The following KIAA1958 variants were observed in gnomAD, a reference collection of about 807,000 sequenced individuals.
KIAA1958 encodes uncharacterized protein KIAA1958.
KIAA1958 carries 14 observed loss-of-function variants against 47.2 expected under a neutral mutation model. That is an observed-to-expected ratio of 0.30 (90% CI 0.20 to 0.46). KIAA1958 has a LOEUF of 0.46. Ranked by LOEUF, KIAA1958 falls within the 20% of genes least tolerant of loss-of-function variation. KIAA1958 has a pLI of 1.00. For synonymous variants in KIAA1958, 354 were observed against 353.3 expected, an observed-to-expected ratio of 1.00 and a Z score of -0.02; for missense variants, 803 against 909.2, an observed-to-expected ratio of 0.88 and a Z score of 1.50.
At chr9:112,523,443 A>AC (rs1834587462) in intron 1 of KIAA1958, among the ~76,000 whole-genome samples, 1 of 85,100 alleles carries the variant, frequency 1.2e-5, no homozygotes, top group Non-Finnish European at 2.2e-5. Flanking sequence ...AAAGTGTCTT[A>AC]TTAAATAAAT....
intron 1 of KIAA1958, among the ~76,000 whole-genome samples, chr9:112,560,182 C>CT (rs1455028604): frequency 8.1e-5 from 11 of 136,108 alleles, no homozygotes; most frequent in East Asian, 2.1e-4. Context: ...TTTGAAGCTG[C>CT]TTTTTTTTTC....
chr9:112,631,540 A>C (rs1836707246), intron 2 of KIAA1958, among the ~76,000 whole-genome samples: 1 of 150,948 alleles, frequency 6.6e-6, no homozygotes, highest in African/African-American at 2.4e-5. Context: ...CAAAGAAAAA[A>C]AAAAAAAAAA....
At chr9:112,582,341 C>T (rs1486254308) in intron 2 of KIAA1958, 1 of 152,186 alleles carries the variant, frequency 6.6e-6, no homozygotes, top group Non-Finnish European at 1.5e-5. Flanking sequence ...CAAAATATCT[C>T]ATGTAACCCA....
At chr9:112,608,255 A>T (rs1836269354) in intron 2 of KIAA1958, among the ~76,000 whole-genome samples, 1 of 152,226 alleles carries the variant, frequency 6.6e-6, no homozygotes, top group Non-Finnish European at 1.5e-5. Flanking sequence ...ATAAAACAAG[A>T]TTCAAAAGAT....
intron 1 of KIAA1958, among the ~76,000 whole-genome samples, chr9:112,504,461 T>C (rs1168489776): frequency 6.6e-6 from 1 of 152,220 alleles, no homozygotes; most frequent in Non-Finnish European, 1.5e-5. Context: ...AGTGCTGGAA[T>C]TGCAGGCGTG....
intron 1 of KIAA1958, among the ~76,000 whole-genome samples, chr9:112,535,037 A>C (rs1002533170): frequency 7.9e-5 from 12 of 152,246 alleles, no homozygotes; most frequent in African/African-American, 2.9e-4. Context: ...TGATACATGT[A>C]TGCATTGTAG....
At chr9:112,498,196 T>C in intron 1 of KIAA1958, among the ~76,000 whole-genome samples, 1 of 152,190 alleles carries the variant, frequency 6.6e-6, no homozygotes, top group Non-Finnish European at 1.5e-5. Context: ...TTAGTGAATT[T>C]ACCATATAAC....
rs899611962 is a variant in KIAA1958 at position 112,664,216 on chromosome 9, C to A, written c.*4147C>A. ...TGGGATGCCTTCTTTAGGAATAAGA[C>A]TTTCCTTTAATTTTCAAGTTCCACA... On this transcript the variant is annotated 3_prime_UTR_variant, in exon 4 of 4. Coordinates refer to ENST00000337530, the MANE Select transcript of KIAA1958 (RefSeq NM_133465.4). 6.6e-6 allele frequency: 1 copy of A among 152,220 alleles called. No individual in the cohort carries two copies. The highest frequency in any genetic ancestry group is 2.4e-5 in the African/African-American group (1 of 41,456). 9.4% of individuals were successfully genotyped at this position (152,220 alleles called of 1,614,324 possible).
At chr9:112,583,591 A>T (rs1449650551) in intron 2 of KIAA1958, among the ~76,000 whole-genome samples, 1 of 152,276 alleles carries the variant, frequency 6.6e-6, no homozygotes, top group Non-Finnish European at 1.5e-5. Context: ...TCAATAGGGA[A>T]ATAGATAAAT....
intron 1 of KIAA1958, among the ~76,000 whole-genome samples, chr9:112,487,552 G>T (rs1213488621): frequency 6.6e-6 from 1 of 152,176 alleles, no homozygotes; most frequent in Non-Finnish European, 1.5e-5. Context: ...GTCTTGAGAT[G>T]CTTATGGAGA....
At chr9:112,617,638 G>A (rs139823012) in intron 2 of KIAA1958, among the ~76,000 whole-genome samples, 13 of 152,262 alleles carry the variant, frequency 8.5e-5, no homozygotes, top group African/African-American at 3.1e-4. Flanking sequence ...CCGTGACATA[G>A]GAAGCTCGTT....
At chr9:112,573,982 G>C (rs1835585172) in intron 1 of KIAA1958, 75 bp from the exon 2 acceptor site, 1 of 777,232 alleles carries the variant, frequency 1.3e-6, no homozygotes, top group South Asian at 2.2e-5. Context: ...ATCATATTTG[G>C]AACAAACTGA....
At chr9:112,497,747 G>C (rs1834068750) in intron 1 of KIAA1958, among the ~76,000 whole-genome samples, 1 of 152,078 alleles carries the variant, frequency 6.6e-6, no homozygotes, top group Non-Finnish European at 1.5e-5. Context: ...ACTTGGGGAG[G>C]TTCAATACAG....
At chr9:112,503,897 AAC>A (rs1463759925) in intron 1 of KIAA1958, among the ~76,000 whole-genome samples, 6 of 147,460 alleles carry the variant, frequency 4.1e-5, no homozygotes, top group Non-Finnish European at 5.9e-5. Flanking sequence ...CTAAAATGCT[AAC>A]AGTGTTAATG....
intron 1 of KIAA1958, 106 bp from the exon 2 acceptor site, chr9:112,573,951 G>GTTTTTT: frequency 1.9e-6 from 1 of 537,014 alleles, no homozygotes; most frequent in African/African-American, 2.0e-5. Context: ...TTTGAAGTGC[G>GTTTTTT]TTTTTTTTTT....
chr9:112,623,563 T>C (rs1214081657), intron 2 of KIAA1958, among the ~76,000 whole-genome samples: 1 of 152,218 alleles, frequency 6.6e-6, no homozygotes, highest in Non-Finnish European at 1.5e-5. Context: ...TTGATTGAGA[T>C]CAATGTTAGC....
In KIAA1958 at chr9:112,623,258, T is replaced by A. The variant is rs916105542; in HGVS notation, c.1172-22392T>A. Among the ~76,000 whole-genome samples, 57 of 152,236 alleles carry A rather than the reference T, an allele frequency of 3.7e-4. 1 individual carries two copies. Among genetic ancestry groups the A allele is most frequent in the African/African-American group, 1.4e-3 (57 of 41,468 alleles). On this transcript the variant is annotated intron_variant, in intron 2 of 3. Coordinates refer to ENST00000337530, the MANE Select transcript of KIAA1958 (RefSeq NM_133465.4). ...GAGCACTGACAATGTGCCATTGTAC[T>A]GAGTGCTTTATAAGTTGTTTCACTT...
At chr9:112,604,937 AAT>A (rs1260824257) in intron 2 of KIAA1958, among the ~76,000 whole-genome samples, 1 of 147,534 alleles carries the variant, frequency 6.8e-6, no homozygotes, top group Non-Finnish European at 1.5e-5. Flanking sequence ...TATTTTATGT[AAT>A]ATATATTTTA....
intron 1 of KIAA1958, among the ~76,000 whole-genome samples, chr9:112,493,944 T>C (rs1052037593): frequency 2.0e-5 from 3 of 152,230 alleles, no homozygotes; most frequent in Non-Finnish European, 4.4e-5. Context: ...TACTTAACTG[T>C]GCCATTGCAT....
Sources: allele counts gnomAD v4.1 joint callset (sites outside exome capture counted in the v4.1 genomes callset), GRCh38; gene constraint gnomAD v4.1.1; transcripts MANE v1.5; gene names NCBI Gene and HGNC (gene_info 2026-07-23, HGNC 2026-07-21).